Variants in FKBP9 observed in about 807,000 individuals in gnomAD.
FKBP9 encodes the protein peptidyl-prolyl cis-trans isomerase FKBP9.
A neutral mutation model predicts 55.6 loss-of-function variants in FKBP9; 27 were observed. That is an observed-to-expected ratio of 0.49 (90% CI 0.36 to 0.67). The LOEUF (loss-of-function observed/expected upper bound fraction) is 0.67, where lower values mean the gene tolerates loss of function less well. FKBP9 is among the 30% of genes least tolerant of loss of function. The pLI is 0.00. For synonymous variants in FKBP9, 267 were observed against 296.5 expected (o/e 0.90, Z 1.02); for missense variants, 539 against 742.8 (o/e 0.73, Z 3.19).
intron 7 of FKBP9, among the ~76,000 whole-genome samples, chr7:32,997,778 A>G (rs961298304): frequency 1.3e-5 from 2 of 152,196 alleles, no homozygotes; most frequent in Admixed American, 6.5e-5. Context: ...TAGTGAGCCG[A>G]GATAGCACTG....
intron 1 of FKBP9, among the ~76,000 whole-genome samples, chr7:32,967,053 A>G (rs1321006072): frequency 6.6e-6 from 1 of 152,092 alleles, no homozygotes; most frequent in Non-Finnish European, 1.5e-5. Context: ...TAGGGTCACC[A>G]TGGATTGTGG....
At chr7:32,986,764 G>A (rs1404457976) in intron 5 of FKBP9, among the ~76,000 whole-genome samples, 1 of 152,186 alleles carries the variant, frequency 6.6e-6, no homozygotes, top group Admixed American at 6.5e-5. Context: ...GCCCTGCTCG[G>A]CAGTCCTTCT....
chr7:32,964,582 C>T (rs186559948), intron 1 of FKBP9, among the ~76,000 whole-genome samples: 5 of 152,280 alleles, frequency 3.3e-5, no homozygotes, highest in African/African-American at 7.2e-5. Context: ...TCTCTGTTCC[C>T]GCTTGCTCCC....
chr7:32,992,843 A>C, intron 6 of FKBP9: 1 of 229,860 alleles, frequency 4.4e-6, no homozygotes, highest in Non-Finnish European at 8.6e-6. Flanking sequence ...ACGCACACAG[A>C]GAGTGTTTCC....
Position 32,962,525 on chromosome 7 carries a change from G to A in FKBP9, c.221+4731G>A, listed in dbSNP as rs373417590. ...GTCTCACTTTGTTGCCCAGGCTGGTGTGCAGTGATGCAGTCTCACATCACT... is the reference window on the plus strand; with the variant it reads ...GTCTCACTTTGTTGCCCAGGCTGGTATGCAGTGATGCAGTCTCACATCACT... On this transcript the variant is annotated intron_variant, in intron 1 of 9. Transcript: ENST00000242209. Among the ~76,000 whole-genome samples, 6 of 152,032 alleles carry A rather than the reference G, an allele frequency of 3.9e-5. No homozygotes were observed. The South Asian group carries it at 1.2e-3, about 32-fold the overall frequency.
chr7:32,974,539 A>G, intron 1 of FKBP9, 78 bp from the exon 2 acceptor site: 1 of 1,331,334 alleles, frequency 7.5e-7, no homozygotes, highest in Non-Finnish European at 1.1e-6. Context: ...CTGTGGGCAC[A>G]TTTTTACAGG....
chr7:32,991,438 A>T (rs775894042), intron 6 of FKBP9, among the ~76,000 whole-genome samples: 37 of 152,156 alleles, frequency 2.4e-4, no homozygotes, highest in Non-Finnish European at 3.8e-4. Flanking sequence ...TGGGGGTTAC[A>T]TAGGAGCTCG....
At chr7:32,980,172 A>T (rs574890537) in intron 4 of FKBP9, among the ~76,000 whole-genome samples, 192 bp from the exon 5 acceptor site, 1 of 151,568 alleles carries the variant, frequency 6.6e-6, no homozygotes, top group African/African-American at 2.4e-5. Flanking sequence ...CCTTTTGCTG[A>T]GTCAGGTTTT....
At chr7:32,977,583 A>T (rs2127981373) in intron 4 of FKBP9, among the ~76,000 whole-genome samples, 1 of 152,210 alleles carries the variant, frequency 6.6e-6, no homozygotes. Flanking sequence ...TCTGTTGTTG[A>T]CCAAAACTTC....
At chr7:32,998,063 C>G (rs1784851705) in intron 7 of FKBP9, among the ~76,000 whole-genome samples, 1 of 152,144 alleles carries the variant, frequency 6.6e-6, no homozygotes, top group Admixed American at 6.5e-5. Context: ...ATTTTAGAAT[C>G]AGTGAAATAT....
intron 1 of FKBP9, 114 bp downstream of exon 1, chr7:32,957,908 T>A: frequency 1.2e-6 from 1 of 822,026 alleles, no homozygotes. Flanking sequence ...GCCGCGCTCC[T>A]CCCTTCTTCC....
intron 4 of FKBP9, among the ~76,000 whole-genome samples, chr7:32,979,843 C>T (rs1784440024): frequency 6.6e-6 from 1 of 151,854 alleles, no homozygotes; most frequent in Admixed American, 6.6e-5. Flanking sequence ...ATTTTTTTCT[C>T]TGTTATTCTG....
chr7:32,957,523 C>T lies in FKBP9; in HGVS notation c.-51C>T, dbSNP rs1360052152. 1.5e-6 allele frequency: 2 copies of T among 1,314,308 alleles called. No individual in the cohort carries two copies. The highest frequency in any genetic ancestry group is 2.0e-6 in the Non-Finnish European group (2 of 1,022,500). The allele number at this position is 1,314,308 out of a possible 1,614,324, so 81.4% of individuals were successfully genotyped here. A position where few individuals can be genotyped will look rare whatever the true frequency, so the allele number is the denominator to read the frequency against. ...ACGCAGCCGAACGCCCAGGCCGACC[C>T]GTGCCGCCCGAGCGCCGCGCTGCGT... is the stretch of plus-strand genomic sequence containing the variant. On this transcript the variant is annotated 5_prime_UTR_variant, in exon 1 of 10. Coordinates refer to ENST00000242209, the MANE Select transcript of FKBP9 (RefSeq NM_007270.5).
chr7:33,004,543 T>C (rs889228349), intron 9 of FKBP9, among the ~76,000 whole-genome samples: 1 of 152,178 alleles, frequency 6.6e-6, no homozygotes, highest in Admixed American at 6.5e-5. Context: ...CTTTCAAGAC[T>C]TTGCACAAAT....
At chr7:32,992,874 G>A (rs1784712014) in intron 6 of FKBP9, 1 of 230,380 alleles carries the variant, frequency 4.3e-6, no homozygotes, top group Admixed American at 5.7e-5. Flanking sequence ...CCTCAATAAT[G>A]TGTGTGCCTC....
chr7:33,001,142 G>A (rs1300719662), intron 8 of FKBP9, among the ~76,000 whole-genome samples: 1 of 152,140 alleles, frequency 6.6e-6, no homozygotes, highest in African/African-American at 2.4e-5. Context: ...GATAGGAAGA[G>A]CTAACTGGTA....
At chr7:32,979,526 G>A in intron 4 of FKBP9, 2 of 1,550,574 alleles carry the variant, frequency 1.3e-6, no homozygotes, top group Non-Finnish European at 1.7e-6. Flanking sequence ...GCTCAGGCTT[G>A]GCGGCATCTG....
At chr7:32,969,768 C>T (rs868763416) in intron 1 of FKBP9, among the ~76,000 whole-genome samples, 5 of 152,062 alleles carry the variant, frequency 3.3e-5, no homozygotes, top group African/African-American at 9.7e-5. Context: ...TTTGGGAGGC[C>T]GAGGCAGTCT....
chr7:32,992,436 G>A (rs1036348260), intron 6 of FKBP9, among the ~76,000 whole-genome samples: 2 of 152,308 alleles, frequency 1.3e-5, no homozygotes, highest in South Asian at 2.1e-4. Context: ...GCTATTGGCC[G>A]CTTTTAAGTT....
Sources: allele counts gnomAD v4.1 joint callset (sites outside exome capture counted in the v4.1 genomes callset), GRCh38; gene constraint gnomAD v4.1.1; transcripts MANE v1.5; gene names NCBI Gene and HGNC (gene_info 2026-07-23, HGNC 2026-07-21).